The following NBPF20 variants were observed in gnomAD, a reference collection of about 807,000 sequenced individuals.
NBPF20 encodes NBPF member 20, also known as NBPF family member NBPF20.
NBPF20 carries 90 observed loss-of-function variants against 68.1 expected under a neutral mutation model. The ratio of observed to expected loss-of-function variants is 1.32; its 90% confidence interval spans 1.11 to 1.58. The LOEUF (loss-of-function observed/expected upper bound fraction) is 1.58. Ranked by LOEUF, NBPF20 falls within the 40% of genes most tolerant of loss-of-function variation. The pLI is 0.00. For missense variants in NBPF20, 816 were observed against 601.2 expected, an observed-to-expected ratio of 1.36 and a Z score of -3.74; for synonymous variants, 290 against 228.1, an observed-to-expected ratio of 1.27 and a Z score of -2.45.
chr1:145,291,864 A>G lies in NBPF20; in HGVS notation c.16698-95T>C. 4 of 1,605,162 alleles carry G rather than the reference A, an allele frequency of 2.5e-6. No homozygotes were observed. The Admixed American group carries it at 6.9e-5, about 28-fold the overall frequency. ...AGAAGTCACATAAGGAAGTGGTTAG[A>G]AAAGAAAAAGGATAGATCCATTAAT... On this transcript the variant is annotated intron_variant, in intron 137 of 137. Coordinates refer to ENST00000369373, the Ensembl canonical transcript of NBPF20.
At position 145,291,831 on chromosome 1, in the gene NBPF20, T is replaced by G. The variant is rs587678995; in HGVS notation, c.16698-62A>C. 60 of 1,611,074 alleles carry G rather than the reference T, an allele frequency of 3.7e-5. No individual in the cohort carries two copies. The African/African-American group carries it at 5.5e-4, about 15-fold the overall frequency. ...AAAATCAGAAACCACAGAGCCCCACTAGATTTCAGAAGTCACATAAGGAAG... is the reference window on the plus strand; with the variant it reads ...AAAATCAGAAACCACAGAGCCCCACGAGATTTCAGAAGTCACATAAGGAAG... On this transcript the variant is annotated intron_variant, in intron 137 of 137. Transcript: ENST00000369373.
At chr1:145,415,400 C>T in the NBPF20 span, among the ~76,000 whole-genome samples, 5 of 151,758 alleles carry the variant, frequency 3.3e-5, no homozygotes, top group Non-Finnish European at 7.4e-5. Flanking sequence ...TCCTCTTTTA[C>T]TAATCCTCCT....
At chr1:145,393,563 C>G (rs1157279841) in intron 9 of NBPF20, among the ~76,000 whole-genome samples, 2 of 152,060 alleles carry the variant, frequency 1.3e-5, no homozygotes, top group South Asian at 2.1e-4. Flanking sequence ...TTTGTGCTCT[C>G]AGGACACACT....
intron 130 of NBPF20, 37 bp downstream of exon 135, chr1:145,297,925 C>T (rs1661325041): frequency 1.7e-5 from 2 of 117,110 alleles, no homozygotes; most frequent in African/African-American, 7.0e-4. Flanking sequence ...ATGGAAGACT[C>T]AGTGGATCCT....
At chr1:145,416,913 G>A in the NBPF20 span, among the ~76,000 whole-genome samples, 1 of 150,658 alleles carries the variant, frequency 6.6e-6, no homozygotes, top group African/African-American at 2.4e-5. Context: ...AGAAGCTGAG[G>A]GTAGCCTGGC....
chr1:145,397,925 G>C (rs1477392865), intron 7 of NBPF20, among the ~76,000 whole-genome samples: 7 of 152,100 alleles, frequency 4.6e-5, no homozygotes, highest in Non-Finnish European at 1.0e-4. Context: ...AAAAGGCAGG[G>C]GTTGCAATCC....
At chr1:145,408,752 A>G (rs1322407812), upstream of NBPF20, among the ~76,000 whole-genome samples, 1 of 151,980 alleles carries the variant, frequency 6.6e-6, no homozygotes, top group Non-Finnish European at 1.5e-5. Context: ...ATTTAGCCTT[A>G]ATTTTTCTCA....
chr1:145,394,271 T>G (rs1457151395), intron 8 of NBPF20, among the ~76,000 whole-genome samples: 34 of 151,494 alleles, frequency 2.2e-4, no homozygotes, highest in Admixed American at 2.2e-3. Context: ...ATATTAAGCT[T>G]TCTCTCATCA....
At chr1:145,295,458 A>T (rs1661290022) in intron 133 of NBPF20, 109 bp downstream of exon 138, 1 of 194,556 alleles carries the variant, frequency 5.1e-6, no homozygotes, top group Admixed American at 9.6e-5. Context: ...CAGGAGGAGT[A>T]ATTCAACCTT....
intron 137 of NBPF20, 119 bp downstream of exon 142, chr1:145,292,262 A>T (rs1183250418): frequency 8.1e-6 from 5 of 618,060 alleles, no homozygotes; most frequent in Admixed American, 5.8e-5. Context: ...AACAGCAATG[A>T]CAGTAGGAGT....
chr1:145,409,765 G>T (rs1392754456), upstream of NBPF20, among the ~76,000 whole-genome samples: 1 of 151,840 alleles, frequency 6.6e-6, no homozygotes, highest in Non-Finnish European at 1.5e-5. Flanking sequence ...CAGACTTATA[G>T]ATTAAAAGAA....
chr1:145,405,295 G>T (rs1553666913), exon 2 of NBPF20: 2 of 1,597,840 alleles, frequency 1.3e-6, no homozygotes, highest in Non-Finnish European at 1.7e-6. Context: ...GGCAGAAGAG[G>T]TGGAGTCAGG....
chr1:145,393,448 C>G, intron 9 of NBPF20, among the ~76,000 whole-genome samples: 1 of 134,474 alleles, frequency 7.4e-6, no homozygotes, highest in African/African-American at 2.8e-5. Flanking sequence ...CACACTCACA[C>G]ACACACACAA....
At chr1:145,291,448 C>G (rs1347040370) in exon 138 of NBPF20, 2 of 1,611,780 alleles carry the variant, frequency 1.2e-6, no homozygotes, top group Non-Finnish European at 1.7e-6. Flanking sequence ...CCAAATGGAA[C>G]TGTACTTTCA....
exon 138 of NBPF20, chr1:145,291,579 T>A (rs781785706): frequency 1.2e-6 from 2 of 1,611,956 alleles, no homozygotes; most frequent in Non-Finnish European, 8.5e-7. Context: ...CTTGTCACCG[T>A]CAAAGTAAAA....
At chr1:145,398,191 G>A (rs1205217419) in intron 7 of NBPF20, among the ~76,000 whole-genome samples, 6 of 151,732 alleles carry the variant, frequency 4.0e-5, no homozygotes. Context: ...AGCTTAACAA[G>A]GATATCCAGG....
exon 3 of NBPF20, chr1:145,403,283 G>C (rs1382532072): frequency 1.2e-6 from 2 of 1,610,774 alleles, no homozygotes; most frequent in East Asian, 4.5e-5. Context: ...TCATTCCTCA[G>C]CATAGATTTT....
At chr1:145,421,894 C>T in the NBPF20 span, among the ~76,000 whole-genome samples, 3 of 151,990 alleles carry the variant, frequency 2.0e-5, no homozygotes, top group East Asian at 1.9e-4. Context: ...GAAAATTAGC[C>T]GGGCATAGTG....
the NBPF20 span, among the ~76,000 whole-genome samples, chr1:145,414,945 G>A: frequency 6.6e-6 from 1 of 151,962 alleles, no homozygotes; most frequent in Admixed American, 6.6e-5. Flanking sequence ...GGAAAAGAAA[G>A]AGACACAGAG....
Sources: allele counts gnomAD v4.1 joint callset (sites outside exome capture counted in the v4.1 genomes callset), GRCh38; gene constraint gnomAD v4.1.1; transcripts MANE v1.5; gene names NCBI Gene and HGNC (gene_info 2026-07-23, HGNC 2026-07-21).